Variants in EFCAB11 observed in about 807,000 individuals in gnomAD.
EFCAB11 encodes the protein EF-hand calcium-binding domain-containing protein 11.
In EFCAB11, 14 loss-of-function variants were observed where a neutral mutation model predicts 23.0. The ratio of observed to expected loss-of-function variants is 0.61; its 90% CI spans 0.40 to 0.95. EFCAB11 has a LOEUF of 0.95. Ranked by LOEUF, EFCAB11 falls within the 40% of genes least tolerant of loss-of-function variation. EFCAB11 has a pLI of 0.00. For synonymous variants in EFCAB11, 65 were observed against 66.6 expected (o/e 0.98, Z 0.11); for missense variants, 198 against 195.8 (o/e 1.01, Z -0.07).
rs1473764484 is a variant in EFCAB11, at chr14:89,839,675, A to G, written c.411-42351T>C. 2.6e-5 allele frequency among the ~76,000 whole-genome samples: 4 copies of G among 152,292 alleles called. No homozygotes were observed. In the East Asian group the frequency reaches 7.7e-4, roughly 29 times the overall value. On this transcript the variant is annotated intron_variant, in intron 5 of 5. Transcript: ENST00000316738. ...AAGAAAATAGGTTTAATTGGCTTACAGTTCCACAGCCTATACAAGAAGCAT... is the reference window on the plus strand; with the variant it reads ...AAGAAAATAGGTTTAATTGGCTTACGGTTCCACAGCCTATACAAGAAGCAT...
chr14:89,943,966 G>T (rs1266171786), intron 3 of EFCAB11, among the ~76,000 whole-genome samples: 1 of 152,174 alleles, frequency 6.6e-6, no homozygotes, highest in Non-Finnish European at 1.5e-5. Flanking sequence ...AAAACATTCA[G>T]TGTGAAGTCA....
chr14:89,832,391 G>GTTTTTAAA (rs1403739704), intron 5 of EFCAB11, among the ~76,000 whole-genome samples: 1 of 152,072 alleles, frequency 6.6e-6, no homozygotes, highest in African/African-American at 2.4e-5. Context: ...CTAGCACAGT[G>GTTTTTAAA]TTTTTAAATT....
intron 5 of EFCAB11, among the ~76,000 whole-genome samples, chr14:89,898,391 GT>G (rs1889237022): frequency 6.6e-6 from 1 of 152,084 alleles, no homozygotes; most frequent in Admixed American, 6.5e-5. Flanking sequence ...TTGAGACAGG[GT>G]CTTGCTCTGT....
chr14:89,797,240 T>A lies in EFCAB11; in HGVS notation c.*3A>T. 1 of 1,612,908 alleles carries A rather than the reference T, an allele frequency of 6.2e-7. No individual in the cohort carries two copies. The highest frequency in any genetic ancestry group is 8.5e-7 in the Non-Finnish European group (1 of 1,179,482). On this transcript the variant is annotated 3_prime_UTR_variant, in exon 6 of 6. Coordinates refer to ENST00000316738, the MANE Select transcript of EFCAB11 (RefSeq NM_145231.4). ...CAGAGTTACCAAAAGTAGTTCACAA[T>A]AGTTAGGCTTCCTTCTGTCCATAGT... is the stretch of plus-strand genomic sequence containing the variant.
At chr14:89,876,286 A>C (rs1396318617) in intron 5 of EFCAB11, among the ~76,000 whole-genome samples, 3 of 151,894 alleles carry the variant, frequency 2.0e-5, no homozygotes, top group Non-Finnish European at 4.4e-5. Context: ...GGAGGAGGAG[A>C]TGTTTCCGTT....
intron 5 of EFCAB11, among the ~76,000 whole-genome samples, chr14:89,928,062 T>C (rs1392935984): frequency 1.3e-5 from 2 of 152,156 alleles, no homozygotes; most frequent in African/African-American, 4.8e-5. Flanking sequence ...GATTGTGATA[T>C]TATAAAAATA....
chr14:89,904,329 G>A (rs1407944281), intron 5 of EFCAB11, among the ~76,000 whole-genome samples: 1 of 152,006 alleles, frequency 6.6e-6, no homozygotes, highest in African/African-American at 2.4e-5. Flanking sequence ...GGCTGCACAG[G>A]ATTCCATGGT....
intron 5 of EFCAB11, among the ~76,000 whole-genome samples, chr14:89,910,965 CAAACCAT>C (rs1889657353): frequency 6.6e-6 from 1 of 152,140 alleles, no homozygotes; most frequent in Admixed American, 6.6e-5. Context: ...GTACAAAGTA[CAAACCAT>C]AAAGTCTATT....
At chr14:89,835,644 T>TGTGTGTGTGTGTGTGTG (rs1223325732) in intron 5 of EFCAB11, among the ~76,000 whole-genome samples, 30 of 57,938 alleles carry the variant, frequency 5.2e-4, no homozygotes, top group African/African-American at 1.0e-3. Flanking sequence ...GTGTGTGTGT[T>TGTGTGTGTGTGTGTGTG]TGAGACGTTG....
At chr14:89,811,516 G>A (rs537925188) in intron 5 of EFCAB11, among the ~76,000 whole-genome samples, 1 of 152,272 alleles carries the variant, frequency 6.6e-6, no homozygotes, top group East Asian at 1.9e-4. Flanking sequence ...CTAACATGGG[G>A]AGATTATCCT....
At chr14:89,943,958 A>C (rs1179501227) in intron 3 of EFCAB11, among the ~76,000 whole-genome samples, 2 of 152,208 alleles carry the variant, frequency 1.3e-5, no homozygotes, top group Non-Finnish European at 2.9e-5. Context: ...AAGGAAAGAA[A>C]ACATTCAGTG....
At chr14:89,873,781 G>T (rs1278457654) in intron 5 of EFCAB11, among the ~76,000 whole-genome samples, 1 of 152,242 alleles carries the variant, frequency 6.6e-6, no homozygotes, top group Non-Finnish European at 1.5e-5. Context: ...GATGTAAGAG[G>T]TGGGTTTCTA....
Position 89,856,266 on chromosome 14 carries a change from G to A in EFCAB11, c.411-58942C>T, listed in dbSNP as rs1596404287. ...TGCAGTGGTGCAATCTTGGCTCACT[G>A]TACCCTCTGCCTCCCAGGTTTGGGT... On this transcript the variant is annotated intron_variant, in intron 5 of 5. Transcript: ENST00000316738. Among the ~76,000 whole-genome samples, 3 of 146,894 alleles carry A rather than the reference G, an allele frequency of 2.0e-5. No individual in the cohort carries two copies. The South Asian group carries it at 6.4e-4, about 31-fold the overall frequency.
intron 5 of EFCAB11, among the ~76,000 whole-genome samples, chr14:89,874,183 C>T (rs1888364323): frequency 6.6e-6 from 1 of 152,218 alleles, no homozygotes; most frequent in Non-Finnish European, 1.5e-5. Context: ...GCCTCCAATG[C>T]TTGGGGCTTA....
chr14:89,918,171 A>C (rs1031939903), intron 5 of EFCAB11, among the ~76,000 whole-genome samples: 1 of 152,184 alleles, frequency 6.6e-6, no homozygotes, highest in Non-Finnish European at 1.5e-5. Flanking sequence ...AGATCAAAAA[A>C]AGGGGAAGAG....
chr14:89,891,686 A>C (rs1026498965), intron 5 of EFCAB11, among the ~76,000 whole-genome samples: 21 of 150,512 alleles, frequency 1.4e-4, no homozygotes, highest in South Asian at 6.3e-4. Context: ...TTTAGACACA[A>C]ACACACACAC....
At chr14:89,829,856 T>TA (rs1886827922) in intron 5 of EFCAB11, 1 of 152,296 alleles carries the variant, frequency 6.6e-6, no homozygotes, top group African/African-American at 2.4e-5. Context: ...GATCTATGTC[T>TA]AAAAAATCCA....
intron 5 of EFCAB11, among the ~76,000 whole-genome samples, chr14:89,894,197 G>A (rs1169787374): frequency 6.6e-6 from 1 of 151,830 alleles, no homozygotes; most frequent in South Asian, 2.1e-4. Flanking sequence ...TGATCCACCC[G>A]CCTCAGCCTC....
chr14:89,931,386 A>G, intron 5 of EFCAB11, 155 bp downstream of exon 5: 1 of 694,090 alleles, frequency 1.4e-6, no homozygotes. Flanking sequence ...ATAGCTAACT[A>G]TAGATTTCCC....
Sources: allele counts gnomAD v4.1 joint callset (sites outside exome capture counted in the v4.1 genomes callset), GRCh38; gene constraint gnomAD v4.1.1; transcripts MANE v1.5; gene names NCBI Gene and HGNC (gene_info 2026-07-23, HGNC 2026-07-21).